Variants in RORA observed in about 807,000 individuals in gnomAD.
RORA encodes the protein RAR related orphan receptor A.
In RORA, 7 loss-of-function variants were observed where a neutral mutation model predicts 69.5. The ratio of observed to expected loss-of-function variants is 0.10; its 90% CI spans 0.06 to 0.19. The LOEUF (loss-of-function observed/expected upper bound fraction) is 0.19, where lower values mean the gene tolerates loss of function less well. RORA is among the 10% of genes least tolerant of loss of function. RORA has a pLI of 1.00. For missense variants in RORA, 457 were observed against 663.0 expected (o/e 0.69, Z 3.41); for synonymous variants, 261 against 240.8 (o/e 1.08, Z -0.78).
chr15:60,693,660 G>A (rs889391606), intron 1 of RORA, among the ~76,000 whole-genome samples: 1 of 152,114 alleles, frequency 6.6e-6, no homozygotes, highest in Non-Finnish European at 1.5e-5. Flanking sequence ...TAGACAAGCA[G>A]AGAGCCAAAT....
intron 1 of RORA, among the ~76,000 whole-genome samples, chr15:61,060,034 G>C (rs1228412509): frequency 6.9e-6 from 1 of 145,122 alleles, no homozygotes; most frequent in East Asian, 2.1e-4. Context: ...AGAAGAAGAA[G>C]AAGAAGAAGA....
intron 2 of RORA, among the ~76,000 whole-genome samples, chr15:60,653,299 G>T (rs1402137234): frequency 1.5e-4 from 4 of 26,060 alleles, no homozygotes; most frequent in Admixed American, 1.5e-3. Flanking sequence ...AGGTGCATGC[G>T]TGTGTGTGTG....
intron 1 of RORA, among the ~76,000 whole-genome samples, chr15:60,729,573 T>C (rs556240465): frequency 1.3e-5 from 2 of 152,310 alleles, no homozygotes; most frequent in South Asian, 2.1e-4. Flanking sequence ...AAAGCTCTCA[T>C]GAATTATGCA....
At chr15:60,643,572 C>A (rs2069983186) in intron 2 of RORA, among the ~76,000 whole-genome samples, 1 of 152,184 alleles carries the variant, frequency 6.6e-6, no homozygotes, top group Admixed American at 6.5e-5. Context: ...TTTTAATCTG[C>A]AGCCTAGGCA....
intron 1 of RORA, among the ~76,000 whole-genome samples, chr15:60,715,142 C>T (rs2071202810): frequency 6.6e-6 from 1 of 152,114 alleles, no homozygotes; most frequent in African/African-American, 2.4e-5. Context: ...ACACAAACAC[C>T]CGATTTATTC....
At chr15:60,499,005 A>G (rs949312529) in intron 10 of RORA, among the ~76,000 whole-genome samples, 9 of 152,214 alleles carry the variant, frequency 5.9e-5, no homozygotes, top group African/African-American at 1.7e-4. Context: ...AATGGCACTG[A>G]AGGATATTAG....
intron 1 of RORA, among the ~76,000 whole-genome samples, chr15:60,978,045 C>T (rs1053233378): frequency 1.4e-5 from 2 of 145,074 alleles, no homozygotes; most frequent in African/African-American, 5.8e-5. Context: ...AACTGTTTTC[C>T]ACAGAGGCTG....
At chr15:60,754,755 C>T (rs2071773104) in intron 1 of RORA, among the ~76,000 whole-genome samples, 1 of 152,144 alleles carries the variant, frequency 6.6e-6, no homozygotes, top group Admixed American at 6.5e-5. Context: ...CTTTCTTATA[C>T]AGATGAGGAA....
At chr15:60,968,853 A>G (rs150622285) in intron 1 of RORA, among the ~76,000 whole-genome samples, 98 of 152,290 alleles carry the variant, frequency 6.4e-4, no homozygotes, top group African/African-American at 2.1e-3. Flanking sequence ...TGTACCCATC[A>G]TGTTTTTGAT....
intron 1 of RORA, among the ~76,000 whole-genome samples, chr15:60,791,173 A>T (rs765608493): frequency 5.9e-5 from 9 of 152,190 alleles, no homozygotes; most frequent in Non-Finnish European, 1.3e-4. Context: ...GGCCTGATTC[A>T]GTTACTACTT....
At chr15:61,024,001 A>G (rs541826710) in intron 1 of RORA, among the ~76,000 whole-genome samples, 2 of 151,082 alleles carry the variant, frequency 1.3e-5, no homozygotes, top group East Asian at 2.0e-4. Flanking sequence ...TTAAGAGTCT[A>G]TGGAAACAAA....
chr15:60,964,929 A>G (rs1893511166), intron 1 of RORA, among the ~76,000 whole-genome samples: 1 of 151,766 alleles, frequency 6.6e-6, no homozygotes. Flanking sequence ...CTTGTTTGAG[A>G]CTCTTGGGAA....
intron 1 of RORA, among the ~76,000 whole-genome samples, chr15:61,017,418 G>A (rs1239058966): frequency 6.6e-6 from 1 of 152,136 alleles, no homozygotes; most frequent in Non-Finnish European, 1.5e-5. Context: ...GATATGCTGA[G>A]AGCCTAATTA....
At chr15:61,143,794 A>G (rs1021883641) in intron 1 of RORA, among the ~76,000 whole-genome samples, 1 of 152,222 alleles carries the variant, frequency 6.6e-6, no homozygotes, top group Non-Finnish European at 1.5e-5. Flanking sequence ...ATTTAAATGT[A>G]AAAAATAAAG....
chr15:60,950,192 T>C (rs1893042654), intron 1 of RORA, among the ~76,000 whole-genome samples: 1 of 151,044 alleles, frequency 6.6e-6, no homozygotes, highest in Admixed American at 6.6e-5. Flanking sequence ...CAAACTAAGC[T>C]TCATAAGTGA....
intron 2 of RORA, among the ~76,000 whole-genome samples, chr15:60,588,645 G>A (rs1481894297): frequency 1.3e-5 from 2 of 152,108 alleles, no homozygotes; most frequent in East Asian, 1.9e-4. Context: ...GGAAAGATAG[G>A]AGAAAAAGGA....
intron 1 of RORA, among the ~76,000 whole-genome samples, chr15:60,986,555 T>C (rs771797227): frequency 2.6e-5 from 4 of 152,124 alleles, no homozygotes; most frequent in Non-Finnish European, 5.9e-5. Context: ...GTAACTGTCT[T>C]TGGCCATGGG....
chr15:60,757,370 A>C (rs7183955), intron 1 of RORA, among the ~76,000 whole-genome samples: 36,801 of 151,306 alleles, frequency 0.24, 4,846 homozygotes, highest in African/African-American at 0.36. Flanking sequence ...GTTCAGGAAA[A>C]CTCCTTCCCA....
chr15:61,047,582 A>T (rs1445343094), intron 1 of RORA, among the ~76,000 whole-genome samples: 1 of 151,684 alleles, frequency 6.6e-6, no homozygotes, highest in Non-Finnish European at 1.5e-5. Context: ...AATCAGGATA[A>T]AGGTGTCGAG....
Sources: allele counts gnomAD v4.1 joint callset (sites outside exome capture counted in the v4.1 genomes callset), GRCh38; gene constraint gnomAD v4.1.1; transcripts MANE v1.5; gene names NCBI Gene and HGNC (gene_info 2026-07-23, HGNC 2026-07-21).